Variants in TBC1D12 observed in about 807,000 individuals in gnomAD.
TBC1D12 encodes the protein TBC1 domain family member 12.
In TBC1D12, 56 loss-of-function variants were observed where a neutral mutation model predicts 86.7. That is an observed-to-expected ratio of 0.65 (90% CI 0.52 to 0.81). The LOEUF (loss-of-function observed/expected upper bound fraction) is 0.81, where lower values mean the gene tolerates loss of function less well. Among genes scored for constraint, TBC1D12 ranks in the 30% least tolerant of loss-of-function variants. The probability of loss-of-function intolerance (pLI) is 0.00; values close to 1 mark genes in which losing one functional copy is unlikely to be tolerated. For missense variants in TBC1D12, 1,023 were observed against 1,038.8 expected (o/e 0.98, Z 0.21); for synonymous variants, 421 against 411.7 (o/e 1.02, Z -0.27).
At chr10:94,515,847 C>T (rs981051997) in intron 9 of TBC1D12, among the ~76,000 whole-genome samples, 1 of 152,186 alleles carries the variant, frequency 6.6e-6, no homozygotes, top group Non-Finnish European at 1.5e-5. Flanking sequence ...TACTCAAACA[C>T]AAGCTCTACA....
At chr10:94,432,063 G>A (rs113189545) in intron 1 of TBC1D12, among the ~76,000 whole-genome samples, 195 of 152,288 alleles carry the variant, frequency 1.3e-3, no homozygotes, top group African/African-American at 4.4e-3. Context: ...TTGCTAAGAA[G>A]CCTTTAGTGT....
chr10:94,465,670 ATG>A (rs34828664), intron 2 of TBC1D12, among the ~76,000 whole-genome samples: 47 of 137,926 alleles, frequency 3.4e-4, no homozygotes, highest in African/African-American at 5.2e-4. Flanking sequence ...ATATATATAT[ATG>A]TGTGTGTGTG....
intron 2 of TBC1D12, among the ~76,000 whole-genome samples, chr10:94,456,226 C>T (rs569008408): frequency 6.6e-6 from 1 of 151,794 alleles, no homozygotes; most frequent in Admixed American, 6.6e-5. Context: ...AATTAATTTG[C>T]TTGAATTTTT....
chr10:94,495,739 T>G (rs1223384491), intron 4 of TBC1D12, among the ~76,000 whole-genome samples: 2 of 151,988 alleles, frequency 1.3e-5, no homozygotes, highest in Non-Finnish European at 2.9e-5. Flanking sequence ...TTTTTGTTGT[T>G]GGTAAAGCAG....
At chr10:94,413,280 T>C (rs540447265) in intron 1 of TBC1D12, among the ~76,000 whole-genome samples, 1 of 152,228 alleles carries the variant, frequency 6.6e-6, no homozygotes, top group South Asian at 2.1e-4. Flanking sequence ...TTTTTATTAA[T>C]GGGAAAAATC....
intron 1 of TBC1D12, among the ~76,000 whole-genome samples, chr10:94,434,079 A>C (rs1326475201): frequency 1.3e-5 from 2 of 152,234 alleles, no homozygotes; most frequent in Non-Finnish European, 2.9e-5. Flanking sequence ...ATTGACCCTA[A>C]GAAGGGTACT....
chr10:94,505,903 T>A (rs1025451732), intron 6 of TBC1D12, among the ~76,000 whole-genome samples: 2 of 152,164 alleles, frequency 1.3e-5, no homozygotes, highest in Non-Finnish European at 2.9e-5. Flanking sequence ...TTAATTTTTT[T>A]AAAAAGGATT....
intron 1 of TBC1D12, among the ~76,000 whole-genome samples, chr10:94,422,682 T>G (rs537862861): frequency 2.6e-4 from 40 of 152,186 alleles, no homozygotes; most frequent in South Asian, 1.9e-3. Context: ...TCAAGCAGTC[T>G]TCTTGCCTTA....
intron 1 of TBC1D12, among the ~76,000 whole-genome samples, chr10:94,430,046 C>T (rs988743824): frequency 2.6e-5 from 4 of 151,970 alleles, no homozygotes; most frequent in African/African-American, 9.7e-5. Context: ...GAAAAGTATT[C>T]TATCCCCCCA....
chr10:94,415,633 C>T (rs2054989823), intron 1 of TBC1D12, among the ~76,000 whole-genome samples: 1 of 152,140 alleles, frequency 6.6e-6, no homozygotes, highest in Non-Finnish European at 1.5e-5. Flanking sequence ...ACTCGGGAGG[C>T]TGAGGCAGGA....
At position 94,535,066 on chromosome 10, in the gene TBC1D12, A is replaced by T. The variant is rs1842518144; in HGVS notation, c.*1970A>T. ...CTTGATGTATTTCCTGAGCTCTAGTACCATATCATAGAATTAGTTAAATGT... is the reference window on the plus strand; with the variant it reads ...CTTGATGTATTTCCTGAGCTCTAGTTCCATATCATAGAATTAGTTAAATGT... On this transcript the variant is annotated 3_prime_UTR_variant, in exon 13 of 13. Transcript: ENST00000225235. 6.6e-6 allele frequency: 1 copy of T among 152,126 alleles called. No homozygotes were observed. Among genetic ancestry groups the T allele is most frequent in the African/African-American group, 2.4e-5 (1 of 41,446 alleles). The allele number at this position is 152,126 out of a possible 1,614,324, so 9.4% of individuals were successfully genotyped here.
chr10:94,532,837 A>T (rs1366178625), intron 12 of TBC1D12, among the ~76,000 whole-genome samples, 191 bp from the exon 13 acceptor site: 1 of 152,214 alleles, frequency 6.6e-6, no homozygotes, highest in Non-Finnish European at 1.5e-5. Flanking sequence ...ATAGTTGGCA[A>T]TTGGTAAAAA....
intron 2 of TBC1D12, among the ~76,000 whole-genome samples, chr10:94,454,889 G>A (rs1321976628): frequency 1.3e-5 from 2 of 151,998 alleles, no homozygotes; most frequent in African/African-American, 4.8e-5. Flanking sequence ...TTTTTCTATT[G>A]CATTAACTAG....
chr10:94,522,707 A>C (rs1187851574), intron 11 of TBC1D12, among the ~76,000 whole-genome samples: 1 of 152,098 alleles, frequency 6.6e-6, no homozygotes, highest in African/African-American at 2.4e-5. Context: ...TGAGGTCAGG[A>C]GTTCAAGACC....
chr10:94,534,870 C>T lies in TBC1D12; in HGVS notation c.*1774C>T, dbSNP rs1842514422. ...CTGCTGAAAATAGAGCATTGAAACT[C>T]TTCACAATGTGCTGCATTGGGTTTC... On this transcript the variant is annotated 3_prime_UTR_variant, in exon 13 of 13. Transcript: ENST00000225235. The T allele has an allele frequency of 1.3e-5, 2 of 152,148 alleles. No individual in the cohort carries two copies. Among genetic ancestry groups the T allele is most frequent in the South Asian group, 2.1e-4 (1 of 4,824 alleles). The allele number at this position is 152,148 out of a possible 1,614,324, so 9.4% of individuals were successfully genotyped here. A position where few individuals can be genotyped will look rare whatever the true frequency, so the allele number is the denominator to read the frequency against.
chr10:94,513,529 G>A (rs544757384), intron 9 of TBC1D12, among the ~76,000 whole-genome samples: 2 of 151,982 alleles, frequency 1.3e-5, no homozygotes, highest in African/African-American at 4.8e-5. Flanking sequence ...TTACATTTTT[G>A]CTTTTTCTCT....
At chr10:94,439,219 G>A (rs1396394672) in intron 1 of TBC1D12, among the ~76,000 whole-genome samples, 3 of 152,116 alleles carry the variant, frequency 2.0e-5, no homozygotes, top group Admixed American at 2.0e-4. Flanking sequence ...TTTAAATTTA[G>A]TTAAGCCCAG....
At position 94,515,089 on chromosome 10, in the gene TBC1D12, A is replaced by G. The variant is rs527801763; in HGVS notation, c.1761+3435A>G. Among the ~76,000 whole-genome samples the G allele has an allele frequency of 3.3e-5, 5 of 149,958 alleles. No individual in the cohort carries two copies. In the South Asian group the frequency reaches 8.5e-4, roughly 26 times the overall value. On this transcript the variant is annotated intron_variant, in intron 9 of 12. Coordinates refer to ENST00000225235, the MANE Select transcript of TBC1D12 (RefSeq NM_015188.2). ...CGCCCGGCTAATTTTTTGTATTTTT[A>G]GTAGAGACGGGGTTTCACCGTTTTA... is the stretch of plus-strand genomic sequence containing the variant.
At chr10:94,476,362 T>C (rs1474359544) in intron 3 of TBC1D12, among the ~76,000 whole-genome samples, 1 of 152,174 alleles carries the variant, frequency 6.6e-6, no homozygotes, top group African/African-American at 2.4e-5. Context: ...GCTCCTCTTT[T>C]AGGATTTGAT....
Sources: allele counts gnomAD v4.1 joint callset (sites outside exome capture counted in the v4.1 genomes callset), GRCh38; gene constraint gnomAD v4.1.1; transcripts MANE v1.5; gene names NCBI Gene and HGNC (gene_info 2026-07-23, HGNC 2026-07-21).